INSYN1: variants seen among roughly 807,000 people sequenced by gnomAD.
INSYN1 encodes the protein UPF0583 protein C15orf59.
Under a neutral mutation model 17.1 loss-of-function variants are expected in INSYN1, and 7 were observed. The ratio of observed to expected loss-of-function variants is 0.41; its 90% CI spans 0.23 to 0.77. The LOEUF (loss-of-function observed/expected upper bound fraction) is 0.77, where lower values mean the gene tolerates loss of function less well. Ranked by LOEUF, INSYN1 falls within the 30% of genes least tolerant of loss-of-function variation. The pLI, the probability that INSYN1 is intolerant of heterozygous loss-of-function variation, is 0.32. For synonymous variants in INSYN1, 174 were observed against 166.3 expected (o/e 1.05, Z -0.36); for missense variants, 339 against 400.6 (o/e 0.85, Z 1.31).
chr15:73,750,238 G>A (rs1428213101), intron 2 of INSYN1, among the ~76,000 whole-genome samples: 1 of 152,204 alleles, frequency 6.6e-6, no homozygotes, highest in African/African-American at 2.4e-5. Flanking sequence ...GATGTGAGAA[G>A]CAGTAATTAA....
At chr15:73,745,855 T>C (rs1286568396) in intron 2 of INSYN1, among the ~76,000 whole-genome samples, 5 of 100,078 alleles carry the variant, frequency 5.0e-5, no homozygotes, top group Non-Finnish European at 6.8e-5. Flanking sequence ...GCTGGGGGCT[T>C]CTTTTCTGAG....
rs1402113951 is a variant in INSYN1 at position 73,735,492 on chromosome 15, A to G, written c.*4425T>C. 6.6e-6 allele frequency: 1 copy of G among 152,178 alleles called. No individual in the cohort carries two copies. The highest frequency in any genetic ancestry group is 6.5e-5 in the Admixed American group (1 of 15,272). The allele number at this position is 152,178 out of a possible 1,614,324, so 9.4% of individuals were successfully genotyped here. ...CAAACATTTATTGAACCCATAATCCATTTGGTGCCAGTCTCCGAGTCAGGG... is the reference window on the plus strand; with the variant it reads ...CAAACATTTATTGAACCCATAATCCGTTTGGTGCCAGTCTCCGAGTCAGGG... On this transcript the variant is annotated 3_prime_UTR_variant, in exon 3 of 3. Transcript: ENST00000569673.
rs1901504664 is a variant in INSYN1, at chr15:73,735,620, C to T, written c.*4297G>A. 6.6e-6 allele frequency: 1 copy of T among 152,206 alleles called. No individual in the cohort carries two copies. The highest frequency in any genetic ancestry group is 2.4e-5 in the African/African-American group (1 of 41,442). 9.4% of individuals were successfully genotyped at this position (152,206 alleles called of 1,614,324 possible). A position where few individuals can be genotyped will look rare whatever the true frequency, so the allele number is the denominator to read the frequency against. ...CCCCTCACCCCGAAGACCCGCCTGG[C>T]TCTCAGACGACCCAGCCCCGACCCT... On this transcript the variant is annotated 3_prime_UTR_variant, in exon 3 of 3. Coordinates refer to ENST00000569673, the MANE Select transcript of INSYN1 (RefSeq NM_001039614.3).
At position 73,751,107 on chromosome 15, in the gene INSYN1, G is replaced by A. The variant is rs533567597; in HGVS notation, c.24C>T (p.Asp8=). The change falls in exon 2 of 3, where the codon GAC becomes GAT. Residue 8 remains aspartate, a synonymous_variant. Transcript: ENST00000569673. MNIRGAP[D]LGQPSDDPSS... Reference sequence around the variant, plus strand: ...TGGGGTCGTCACTGGGCTGCCCGAGGTCCGGGGCGCCCCGAATGTTCATCG... The same window carrying A: ...TGGGGTCGTCACTGGGCTGCCCGAGATCCGGGGCGCCCCGAATGTTCATCG... 6.2e-7 allele frequency: 1 copy of A among 1,613,878 alleles called. No homozygotes were observed. Among genetic ancestry groups the A allele is most frequent in the South Asian group, 1.1e-5 (1 of 91,076 alleles).
intron 2 of INSYN1, among the ~76,000 whole-genome samples, chr15:73,750,619 T>TGG (rs1013236442): frequency 2.0e-5 from 3 of 152,114 alleles, no homozygotes; most frequent in Non-Finnish European, 4.4e-5. Context: ...AGACAGATGG[T>TGG]GGGTTCAAGG....
chr15:73,751,214 T>G lies in INSYN1; in HGVS notation c.-84A>C. The G allele has an allele frequency of 6.6e-7, 1 of 1,514,224 alleles. No homozygotes were observed. Among genetic ancestry groups the G allele is most frequent in the East Asian group, 2.4e-5 (1 of 41,886 alleles). 93.8% of individuals were successfully genotyped at this position (1,514,224 alleles called of 1,614,324 possible). ...CTGCCTCCACGGAGCCCCCCTCGGC[T>G]GGGCAGAGCTCCACATTTTAACGGC... On this transcript the variant is annotated 5_prime_UTR_variant, in exon 2 of 3. Coordinates refer to ENST00000569673, the MANE Select transcript of INSYN1 (RefSeq NM_001039614.3).
chr15:73,748,017 G>A (rs899783042), intron 2 of INSYN1, among the ~76,000 whole-genome samples: 4 of 152,178 alleles, frequency 2.6e-5, no homozygotes, highest in African/African-American at 9.7e-5. Context: ...GGCGAGGGAG[G>A]TGTGGGAGAG....
chr15:73,743,810 CAG>C (rs1225075419), intron 2 of INSYN1, among the ~76,000 whole-genome samples: 2 of 80,584 alleles, frequency 2.5e-5, no homozygotes, highest in South Asian at 4.3e-4. Flanking sequence ...AGCCTGGCAA[CAG>C]AGAGAGACTC....
At chr15:73,741,533 C>T (rs1481499885) in intron 2 of INSYN1, among the ~76,000 whole-genome samples, 2 of 152,168 alleles carry the variant, frequency 1.3e-5, no homozygotes, top group Non-Finnish European at 2.9e-5. Flanking sequence ...TGGGTGGCCA[C>T]TGTCAGCACA....
intron 2 of INSYN1, 106 bp from the exon 3 acceptor site, chr15:73,740,748 C>T (rs1037737770): frequency 1.4e-5 from 13 of 931,248 alleles, no homozygotes; most frequent in Non-Finnish European, 2.2e-5. Flanking sequence ...GGCTGATGAG[C>T]GTACTGGACA....
rs975116390 is a variant in INSYN1, at chr15:73,752,090, A to AC, written c.-568+19dup. 1.1e-4 allele frequency: 17 copies of AC among 150,522 alleles called. No homozygotes were observed. The highest frequency in any genetic ancestry group is 3.9e-4 in the African/African-American group (16 of 40,764). The allele number at this position is 150,522 out of a possible 1,614,324, so 9.3% of individuals were successfully genotyped here. ...TCCCCCAGCCCCGCCTTCCCTCAGA[A>AC]CCCCCACTCCTGGACTCACCGAGGG... On this transcript the variant is annotated intron_variant, in intron 1 of 2. Transcript: ENST00000569673. This position sits in a 1 kb window ranked among gnomAD's most constrained non-coding sequence, Gnocchi z 5.2.
In INSYN1 at chr15:73,750,912, T is replaced by C. The variant is rs560276968; in HGVS notation, c.156+63A>G. On this transcript the variant is annotated intron_variant, in intron 2 of 2. Coordinates refer to ENST00000569673, the MANE Select transcript of INSYN1 (RefSeq NM_001039614.3). ...ACTCCAACGTATTTATGAGTACGTT[T>C]TTGTGCCAAACCCAAGAAGGTTGGC... 1.9e-6 allele frequency: 3 copies of C among 1,589,238 alleles called. No individual in the cohort carries two copies. The South Asian group carries it at 3.3e-5, about 18-fold the overall frequency.
chr15:73,742,890 A>C (rs539415699), intron 2 of INSYN1, among the ~76,000 whole-genome samples: 1 of 152,160 alleles, frequency 6.6e-6, no homozygotes, highest in African/African-American at 2.4e-5. Flanking sequence ...GTGGTGCTGG[A>C]GAAGGTGCCT....
Position 73,740,500 on chromosome 15 carries a change from A to C in INSYN1, c.299T>G (p.Phe100Cys). The C allele has an allele frequency of 6.2e-7, 1 of 1,613,980 alleles. No individual in the cohort carries two copies. Among genetic ancestry groups the C allele is most frequent in the Non-Finnish European group, 8.5e-7 (1 of 1,180,044 alleles). The change falls in exon 3 of 3, where the codon TTC becomes TGC. Residue 100 changes from phenylalanine to cysteine, a missense_variant. Phe to Cys is a radical substitution (Grantham distance 205). Transcript: ENST00000569673. ...GGPFDLGHLD[F>C]MTADILSDSW... ...GTCTGAGAGGATATCGGCTGTCATG[A>C]AGTCCAGGTGGCCCAGGTCAAAGGG...
intron 2 of INSYN1, among the ~76,000 whole-genome samples, chr15:73,750,008 G>A (rs534338143): frequency 6.6e-6 from 1 of 152,302 alleles, no homozygotes; most frequent in South Asian, 2.1e-4. Context: ...GCTGGCCAGG[G>A]AGAGCTTGAG....
chr15:73,747,498 G>T (rs1901865836), intron 2 of INSYN1, among the ~76,000 whole-genome samples: 2 of 152,230 alleles, frequency 1.3e-5, no homozygotes, highest in African/African-American at 4.8e-5. Context: ...AGTGAGCTTT[G>T]TGCCTCTCAT....
At position 73,751,186 on chromosome 15, in the gene INSYN1, C is replaced by T. The variant is rs967610901; in HGVS notation, c.-56G>A. On this transcript the variant is annotated 5_prime_UTR_variant, in exon 2 of 3. Transcript: ENST00000569673. ...ACTCCCCCCAGCTGGGCACACACTG[C>T]GTCTGCCTCCACGGAGCCCCCCTCG... is the stretch of plus-strand genomic sequence containing the variant. The T allele has an allele frequency of 3.1e-6, 5 of 1,589,218 alleles. No homozygotes were observed. Among genetic ancestry groups the T allele is most frequent in the Admixed American group, 1.7e-5 (1 of 58,830 alleles).
At position 73,739,698 on chromosome 15, in the gene INSYN1, A is replaced by C; in HGVS notation, c.*219T>G. 6.2e-6 allele frequency: 1 copy of C among 161,596 alleles called. No individual in the cohort carries two copies. The allele number at this position is 161,596 out of a possible 1,614,324, so 10.0% of individuals were successfully genotyped here. A position where few individuals can be genotyped will look rare whatever the true frequency, so the allele number is the denominator to read the frequency against. Reference sequence around the variant, plus strand: ...GGAGCCCCGCAATGAGAACGGAGGAAGGGCAGTCCTGCCCACACCTCCTGG... The same window carrying C: ...GGAGCCCCGCAATGAGAACGGAGGACGGGCAGTCCTGCCCACACCTCCTGG... On this transcript the variant is annotated 3_prime_UTR_variant, in exon 3 of 3. Coordinates refer to ENST00000569673, the MANE Select transcript of INSYN1 (RefSeq NM_001039614.3).
rs1022408906 is a variant in INSYN1, at chr15:73,739,761, G to A, written c.*156C>T. The A allele has an allele frequency of 5.3e-6, 1 of 190,082 alleles. No homozygotes were observed. The highest frequency in any genetic ancestry group is 6.0e-5 in the Admixed American group (1 of 16,650). The allele number at this position is 190,082 out of a possible 1,614,324, so 11.8% of individuals were successfully genotyped here. On this transcript the variant is annotated 3_prime_UTR_variant, in exon 3 of 3. Transcript: ENST00000569673. ...CAATGGGCATCTTCATGTCTAAGAG[G>A]AGCTCTGTGAAAGCTTTGGGGCCTG... is the stretch of plus-strand genomic sequence containing the variant.
Sources: gnomAD v4.1 joint callset for allele counts (sites outside exome capture counted in the v4.1 genomes callset) on GRCh38, gnomAD v4.1.1 for gene constraint, Gnocchi (gnomAD v3.1) non-coding constraint, MANE v1.5 for transcripts, NCBI Gene and HGNC (gene_info 2026-07-23, HGNC 2026-07-21) for gene names.